The following PALLD variants were observed in gnomAD, a reference collection of about 807,000 sequenced individuals.
The protein encoded by PALLD is palladin.
In PALLD, 61 loss-of-function variants were observed where a neutral mutation model predicts 123.5. That is an observed-to-expected ratio of 0.49 (90% CI 0.40 to 0.61). The LOEUF is 0.61. Ranked by LOEUF, PALLD falls within the 20% of genes least tolerant of loss-of-function variation. The probability of loss-of-function intolerance (pLI) is 0.00; values close to 1 mark genes in which losing one functional copy is unlikely to be tolerated. For synonymous variants in PALLD, 465 were observed against 496.4 expected (o/e 0.94, Z 0.84); for missense variants, 1,273 against 1,377.0 (o/e 0.92, Z 1.20).
At chr4:168,523,982 T>C (rs1277746054) in intron 2 of PALLD, among the ~76,000 whole-genome samples, 2 of 152,184 alleles carry the variant, frequency 1.3e-5, no homozygotes, top group African/African-American at 4.8e-5. Context: ...ATAGCCAACA[T>C]TTCTTGAGTA....
At chr4:168,725,450 C>T (rs1786456706) in intron 10 of PALLD, among the ~76,000 whole-genome samples, 1 of 151,666 alleles carries the variant, frequency 6.6e-6, no homozygotes, top group African/African-American at 2.4e-5. Context: ...ACAAAAAAAC[C>T]CTAAAAGACA....
At chr4:168,726,317 A>G (rs1581166179) in intron 10 of PALLD, among the ~76,000 whole-genome samples, 2 of 152,300 alleles carry the variant, frequency 1.3e-5, no homozygotes, top group Admixed American at 1.3e-4. Context: ...TGAGGACCCC[A>G]TTTTCATCAA....
At chr4:168,672,959 C>G (rs1780444445) in intron 3 of PALLD, among the ~76,000 whole-genome samples, 1 of 152,140 alleles carries the variant, frequency 6.6e-6, no homozygotes, top group Non-Finnish European at 1.5e-5. Context: ...CTGAATCTGC[C>G]CTCTACCCTA....
At chr4:168,741,013 G>T (rs1788272621) in intron 10 of PALLD, among the ~76,000 whole-genome samples, 1 of 152,220 alleles carries the variant, frequency 6.6e-6, no homozygotes. Context: ...TGAAGGAAGA[G>T]AAGTTTATTT....
chr4:168,630,054 C>G (rs985181349), intron 2 of PALLD, among the ~76,000 whole-genome samples: 1 of 152,162 alleles, frequency 6.6e-6, no homozygotes, highest in South Asian at 2.1e-4. Flanking sequence ...TACTGAAACC[C>G]TCCAAATTTT....
chr4:168,720,086 G>A (rs1785842252), intron 10 of PALLD, among the ~76,000 whole-genome samples: 1 of 152,120 alleles, frequency 6.6e-6, no homozygotes, highest in Non-Finnish European at 1.5e-5. Context: ...GTAATGTGGG[G>A]TGCTGAAAAC....
intron 10 of PALLD, among the ~76,000 whole-genome samples, chr4:168,855,089 C>CTTTTTTTTTT (rs11338063): frequency 2.9e-5 from 3 of 103,992 alleles, no homozygotes; most frequent in Non-Finnish European, 3.8e-5. Flanking sequence ...AAGGAATGTT[C>CTTTTTTTTTT]TTTTTTTTTT....
chr4:168,582,667 A>G (rs539679172), intron 2 of PALLD, among the ~76,000 whole-genome samples: 1 of 152,256 alleles, frequency 6.6e-6, no homozygotes, highest in East Asian at 1.9e-4. Flanking sequence ...TTCTTTCTGC[A>G]TCTATGGAGA....
intron 10 of PALLD, among the ~76,000 whole-genome samples, chr4:168,828,706 C>T (rs927339416): frequency 1.3e-5 from 2 of 152,250 alleles, no homozygotes; most frequent in Non-Finnish European, 2.9e-5. Flanking sequence ...TCCCCAAATA[C>T]TTGGCGAATT....
chr4:168,514,122 A>T (rs1404599513), intron 2 of PALLD, among the ~76,000 whole-genome samples: 2 of 152,136 alleles, frequency 1.3e-5, no homozygotes, highest in Non-Finnish European at 2.9e-5. Flanking sequence ...AAAAAAGAAA[A>T]AAAAAAAGTT....
chr4:168,836,945 T>C (rs1265903728), intron 10 of PALLD, among the ~76,000 whole-genome samples: 1 of 152,178 alleles, frequency 6.6e-6, no homozygotes, highest in Admixed American at 6.5e-5. Context: ...TGTGGGAAAA[T>C]GCACTCAGAG....
intron 2 of PALLD, among the ~76,000 whole-genome samples, chr4:168,560,956 A>G (rs79905534): frequency 0.043 from 6,518 of 152,294 alleles, 171 homozygotes; most frequent in South Asian, 0.15. Context: ...TTTGAAAAGC[A>G]GAGTTGCCTG....
chr4:168,635,142 G>A (rs1433249332), intron 2 of PALLD, among the ~76,000 whole-genome samples: 1 of 152,184 alleles, frequency 6.6e-6, no homozygotes, highest in Non-Finnish European at 1.5e-5. Flanking sequence ...CAGGGTACCC[G>A]AGGGCCACAG....
intron 2 of PALLD, among the ~76,000 whole-genome samples, chr4:168,628,771 T>C (rs1306378543): frequency 1.3e-5 from 2 of 152,312 alleles, no homozygotes; most frequent in African/African-American, 2.4e-5. Flanking sequence ...TTGTTTAGTA[T>C]GTTTGTTTTC....
At chr4:168,834,376 A>G (rs1744801122) in intron 10 of PALLD, among the ~76,000 whole-genome samples, 2 of 152,162 alleles carry the variant, frequency 1.3e-5, no homozygotes, top group Admixed American at 1.3e-4. Context: ...TACTCATAGT[A>G]GCCTTAGTGT....
chr4:168,803,684 CA>C (rs5863961), intron 10 of PALLD, among the ~76,000 whole-genome samples: 45 of 137,616 alleles, frequency 3.3e-4, no homozygotes, highest in Admixed American at 2.9e-4. Flanking sequence ...GACCCTGTCT[CA>C]AAAAAAAAAA....
chr4:168,608,850 ATTTT>A (rs11398274), intron 2 of PALLD, among the ~76,000 whole-genome samples: 2 of 135,782 alleles, frequency 1.5e-5, no homozygotes, highest in Non-Finnish European at 3.2e-5. Context: ...AGCTATAACT[ATTTT>A]TTTTTTTTTT....
intron 6 of PALLD, among the ~76,000 whole-genome samples, chr4:168,688,014 C>T (rs1018848618): frequency 7.9e-5 from 12 of 152,206 alleles, no homozygotes; most frequent in Admixed American, 2.6e-4. Flanking sequence ...TGGAACATCT[C>T]TCTTCTGCAG....
chr4:168,847,744 G>A (rs1055068160), intron 10 of PALLD, among the ~76,000 whole-genome samples: 12 of 152,140 alleles, frequency 7.9e-5, no homozygotes, highest in Admixed American at 6.5e-4. Context: ...CATGCAATGC[G>A]TAATAATCAC....
Sources: gnomAD v4.1 joint callset for allele counts (sites outside exome capture counted in the v4.1 genomes callset) on GRCh38, gnomAD v4.1.1 for gene constraint, MANE v1.5 for transcripts, NCBI Gene and HGNC (gene_info 2026-07-23, HGNC 2026-07-21) for gene names.